CHST9: variants seen among roughly 807,000 people sequenced by gnomAD.
CHST9 encodes the protein GalNAc-4-sulfotransferase 2.
Under a neutral mutation model 44.4 loss-of-function variants are expected in CHST9, and 41 were observed. That is an observed-to-expected ratio of 0.92 (90% confidence interval 0.72 to 1.20). The LOEUF (loss-of-function observed/expected upper bound fraction) is 1.20, where lower values mean the gene tolerates loss of function less well. Among genes scored for constraint, CHST9 ranks in the 50% most tolerant of loss-of-function variants. The pLI is 0.00. For missense variants in CHST9, 504 were observed against 516.5 expected (o/e 0.98, Z 0.23); for synonymous variants, 171 against 178.4 (o/e 0.96, Z 0.33).
intron 5 of CHST9, among the ~76,000 whole-genome samples, chr18:26,922,906 G>T (rs2055688942): frequency 6.6e-6 from 1 of 152,190 alleles, no homozygotes; most frequent in Non-Finnish European, 1.5e-5. Context: ...AAACTGCTGG[G>T]ATTACAGGCA....
At chr18:27,164,672 C>A (rs2058776355) in intron 1 of CHST9, among the ~76,000 whole-genome samples, 1 of 152,126 alleles carries the variant, frequency 6.6e-6, no homozygotes, top group African/African-American at 2.4e-5. Context: ...ATTGTCTTGA[C>A]ATTTCAGAAC....
chr18:27,137,091 G>A (rs1328688604), intron 2 of CHST9, among the ~76,000 whole-genome samples: 1 of 152,000 alleles, frequency 6.6e-6, no homozygotes, highest in Non-Finnish European at 1.5e-5. Flanking sequence ...CATAAAATAG[G>A]AAAGGATACA....
At chr18:27,056,224 G>A (rs1436098674) in intron 2 of CHST9, among the ~76,000 whole-genome samples, 1 of 152,084 alleles carries the variant, frequency 6.6e-6, no homozygotes, top group African/African-American at 2.4e-5. Context: ...TACCTACTAT[G>A]AGTTGGGCAT....
chr18:26,982,250 A>C (rs941853902), intron 4 of CHST9, among the ~76,000 whole-genome samples: 2 of 152,132 alleles, frequency 1.3e-5, no homozygotes, highest in African/African-American at 4.8e-5. Flanking sequence ...AACATGAAAC[A>C]CATATGTATG....
intron 4 of CHST9, among the ~76,000 whole-genome samples, chr18:26,997,862 C>A (rs2056904043): frequency 6.6e-6 from 1 of 152,164 alleles, no homozygotes; most frequent in African/African-American, 2.4e-5. Flanking sequence ...CTAGTCAGGG[C>A]CTGCATAGGG....
chr18:27,140,978 T>G (rs907405091), intron 2 of CHST9, among the ~76,000 whole-genome samples: 1 of 152,234 alleles, frequency 6.6e-6, no homozygotes, highest in Non-Finnish European at 1.5e-5. Flanking sequence ...TCAAAAGTGT[T>G]GTCCAGGGGC....
At chr18:26,948,354 C>A (rs2056195664) in intron 4 of CHST9, among the ~76,000 whole-genome samples, 1 of 152,014 alleles carries the variant, frequency 6.6e-6, no homozygotes, top group African/African-American at 2.4e-5. Flanking sequence ...ATGTAACAAA[C>A]CTGTGTGTTC....
In CHST9 at chr18:27,133,105, A is replaced by G. The variant is rs935990590; in HGVS notation, c.121+9584T>C. Among the ~76,000 whole-genome samples the G allele has an allele frequency of 3.3e-5, 5 of 152,222 alleles. No homozygotes were observed. In the East Asian group the frequency reaches 9.6e-4, roughly 29 times the overall value. ...ATTTACTGTGCTCATCATGTGTGGT[A>G]CACTAGGAATAACAGGTCTAGCATT... On this transcript the variant is annotated intron_variant, in intron 2 of 5. Transcript: ENST00000618847.
At chr18:27,145,186 G>A (rs900948900) in intron 1 of CHST9, among the ~76,000 whole-genome samples, 1 of 152,044 alleles carries the variant, frequency 6.6e-6, no homozygotes, top group Non-Finnish European at 1.5e-5. Context: ...TTGTTTGTTT[G>A]TTTGTTTTGT....
intron 2 of CHST9, among the ~76,000 whole-genome samples, chr18:27,118,454 A>G (rs2143801465): frequency 6.6e-6 from 1 of 152,342 alleles, no homozygotes; most frequent in Non-Finnish European, 1.5e-5. Context: ...GCATCTTCAA[A>G]ATAAGTATTA....
At chr18:27,104,602 T>G (rs1026038293) in intron 2 of CHST9, among the ~76,000 whole-genome samples, 3 of 152,180 alleles carry the variant, frequency 2.0e-5, no homozygotes, top group Non-Finnish European at 4.4e-5. Context: ...TGATGGTGCA[T>G]CTCTACACCA....
At chr18:27,011,862 G>A (rs2057089204) in intron 4 of CHST9, among the ~76,000 whole-genome samples, 2 of 152,164 alleles carry the variant, frequency 1.3e-5, no homozygotes, top group African/African-American at 4.8e-5. Context: ...AGCAGGTGCT[G>A]GCCACTGGTG....
chr18:27,091,160 C>T (rs1312917197), intron 2 of CHST9, among the ~76,000 whole-genome samples: 4 of 152,246 alleles, frequency 2.6e-5, no homozygotes, highest in African/African-American at 7.2e-5. Flanking sequence ...AGGTCCTTCA[C>T]GTCCCTTGTA....
At chr18:27,094,994 C>T (rs2058103440) in intron 2 of CHST9, among the ~76,000 whole-genome samples, 1 of 152,196 alleles carries the variant, frequency 6.6e-6, no homozygotes, top group African/African-American at 2.4e-5. Context: ...TATCCACACT[C>T]TATCCACTAT....
intron 1 of CHST9, among the ~76,000 whole-genome samples, chr18:27,158,670 G>A (rs1333014168): frequency 6.6e-5 from 10 of 151,974 alleles, no homozygotes; most frequent in Admixed American, 1.3e-4. Flanking sequence ...GATCCCTGAG[G>A]AATCGCCACA....
chr18:27,060,296 T>C (rs1429246766), intron 2 of CHST9, among the ~76,000 whole-genome samples: 3 of 152,148 alleles, frequency 2.0e-5, no homozygotes, highest in Non-Finnish European at 4.4e-5. Flanking sequence ...TACCTAATAA[T>C]AGAGACATGG....
Position 26,916,158 on chromosome 18 carries a change from C to T in CHST9, c.*101G>A. 1.0e-6 allele frequency: 1 copy of T among 974,760 alleles called. No homozygotes were observed. Among genetic ancestry groups the T allele is most frequent in the Non-Finnish European group, 1.5e-6 (1 of 655,272 alleles). 60.4% of individuals were successfully genotyped at this position (974,760 alleles called of 1,614,324 possible). ...TCTACATTAAATCAAGACAACTGCA[C>T]TTGGTTAAATTTCTGTCATACAGAG... On this transcript the variant is annotated 3_prime_UTR_variant, in exon 6 of 6. Coordinates refer to ENST00000618847, the MANE Select transcript of CHST9 (RefSeq NM_031422.6).
chr18:27,120,298 A>T (rs1390878431), intron 2 of CHST9, among the ~76,000 whole-genome samples: 1 of 152,202 alleles, frequency 6.6e-6, no homozygotes, highest in African/African-American at 2.4e-5. Flanking sequence ...TCTTCTCAGA[A>T]TACTCTTTCC....
chr18:27,059,783 G>A (rs2057699835), intron 2 of CHST9, among the ~76,000 whole-genome samples: 1 of 152,040 alleles, frequency 6.6e-6, no homozygotes, highest in Non-Finnish European at 1.5e-5. Context: ...CTAGCCCCAA[G>A]TTTTTCCTTT....
Sources: allele counts gnomAD v4.1 joint callset (sites outside exome capture counted in the v4.1 genomes callset), GRCh38; gene constraint gnomAD v4.1.1; transcripts MANE v1.5; gene names NCBI Gene and HGNC (gene_info 2026-07-23, HGNC 2026-07-21).